Variants in PLK3 observed in about 807,000 individuals in gnomAD.
PLK3 encodes serine/threonine-protein kinase PLK3.
In PLK3, 41 loss-of-function variants were observed where a neutral mutation model predicts 71.6. That is an observed-to-expected ratio of 0.57 (90% confidence interval 0.45 to 0.74). PLK3 has a LOEUF of 0.74. PLK3 is among the 30% of genes least tolerant of loss of function. The probability of loss-of-function intolerance (pLI) is 0.00; values close to 1 mark genes in which losing one functional copy is unlikely to be tolerated. For synonymous variants in PLK3, 366 were observed against 355.4 expected (o/e 1.03, Z -0.33); for missense variants, 791 against 875.6 (o/e 0.90, Z 1.22).
intron 5 of PLK3, 137 bp from the exon 6 acceptor site, chr1:44,802,623 A>G (rs1305086641): frequency 5.9e-6 from 4 of 673,574 alleles, no homozygotes; most frequent in Non-Finnish European, 1.1e-5. Flanking sequence ...CCTGGCATCC[A>G]TTGTCCCAGG....
At position 44,803,497 on chromosome 1, in the gene PLK3, A is replaced by C. The variant is rs967048044; in HGVS notation, c.1073-103A>C. On this transcript the variant is annotated intron_variant, in intron 8 of 14. Transcript: ENST00000372201. This position sits in a 1 kb window ranked among gnomAD's most constrained non-coding sequence, Gnocchi z 4.3. ...GTGCCTGGAAACTCCTGGGGAGAGC[A>C]TGTGCAGTACAGGCACTTGGGGAGG... 7 of 1,587,424 alleles carry C rather than the reference A, an allele frequency of 4.4e-6. No individual in the cohort carries two copies. The highest frequency in any genetic ancestry group is 1.3e-5 in the African/African-American group (1 of 74,376).
rs137889208 is a variant in PLK3 at position 44,803,303 on chromosome 1, C to T, written c.984C>T (p.Cys328=). The T allele has an allele frequency of 1.7e-4, 268 of 1,614,132 alleles. 1 individual carries two copies. Among genetic ancestry groups the T allele is most frequent in the African/African-American group, 6.7e-4 (50 of 75,044 alleles). ...CCGATCGACTCCCTATCAGCAGCTG[C>T]GTGACAGTCCCAGACCTGACACCCC... The part of the protein sequence containing the change: ...YTPDRLPISS[C]VTVPDLTPPN... The change falls in exon 8 of 15, where the codon TGC becomes TGT. Residue 328 remains cysteine (C), a synonymous_variant. Transcript: ENST00000372201. The surrounding 1 kb of genome is among the most constrained non-coding windows in gnomAD (Gnocchi z 4.3).
rs375466611 is a variant in PLK3, at chr1:44,803,699, G to A, written c.1164+8G>A. ...CAGGATGCCAGGCCAGAGGTGAGGC[G>A]CTCAGGTGGACACTGTTCCCCTGAC... is the stretch of plus-strand genomic sequence containing the variant. On this transcript the variant is annotated splice_region_variant and intron_variant, in intron 9 of 14. Coordinates refer to ENST00000372201, the MANE Select transcript of PLK3 (RefSeq NM_004073.4). The surrounding 1 kb of genome is among the most constrained non-coding windows in gnomAD (Gnocchi z 4.3). 32 of 1,597,378 alleles carry A rather than the reference G, an allele frequency of 2.0e-5. 1 individual carries two copies. The highest frequency in any genetic ancestry group is 1.1e-4 in the East Asian group (5 of 44,502).
Position 44,801,140 on chromosome 1 carries a change from C to A in PLK3, c.423C>A (p.Leu141=). The change falls in exon 3 of 15, where the codon CTC becomes CTA. Residue 141 remains leucine, a synonymous_variant. Coordinates refer to ENST00000372201, the MANE Select transcript of PLK3 (RefSeq NM_004073.4). ...ACAACATCTACATTTTCTTGGAGCT[C>A]TGCAGCCGAAAGGTGAAAGATGGTG... ...DADNIYIFLE[L]CSRKSLAHIW... is the part of the protein sequence containing the mutation. The A allele has an allele frequency of 6.2e-7, 1 of 1,608,274 alleles. No individual in the cohort carries two copies. Among genetic ancestry groups the A allele is most frequent in the Non-Finnish European group, 8.5e-7 (1 of 1,176,224 alleles).
chr1:44,805,048 G>A, intron 13 of PLK3: 1 of 584,308 alleles, frequency 1.7e-6, no homozygotes, highest in South Asian at 2.0e-5. Flanking sequence ...AGCTTGCAGT[G>A]AGCAGAGATG....
chr1:44,800,547 G>T lies in PLK3; in HGVS notation c.84G>T (p.Pro28=), dbSNP rs1041292114. 3 of 1,486,204 alleles carry T rather than the reference G, an allele frequency of 2.0e-6. No individual in the cohort carries two copies. The highest frequency in any genetic ancestry group is 2.3e-4 in the Middle Eastern group (1 of 4,356). 92.1% of individuals were successfully genotyped at this position (1,486,204 alleles called of 1,614,324 possible). ...CCGCTCCCCCGGCCGGGCCCGGGCCGCCTCCGAGTGCCTTGCGCGGACCTG... is the reference window on the plus strand; with the variant it reads ...CCGCTCCCCCGGCCGGGCCCGGGCCTCCTCCGAGTGCCTTGCGCGGACCTG... ...AAPAPPAGPG[P]PPSALRGPEL... The change falls in exon 1 of 15, where the codon CCG becomes CCT. Residue 28 remains proline (P), a synonymous_variant. Coordinates refer to ENST00000372201, the MANE Select transcript of PLK3 (RefSeq NM_004073.4). The surrounding 1 kb of genome is among the most constrained non-coding windows in gnomAD (Gnocchi z 6.5).
In PLK3 at chr1:44,803,178, G is replaced by T. The variant is rs759192362; in HGVS notation, c.948+25G>T. 5 of 1,613,250 alleles carry T rather than the reference G, an allele frequency of 3.1e-6. No homozygotes were observed. Among genetic ancestry groups the T allele is most frequent in the Non-Finnish European group, 4.2e-6 (5 of 1,179,418 alleles). ...GGTCTGTGGCTCCCCAGACCTCTAA[G>T]TCCATCTGTGTATTCCCAGGGATTG... On this transcript the variant is annotated intron_variant, in intron 7 of 14. Coordinates refer to ENST00000372201, the MANE Select transcript of PLK3 (RefSeq NM_004073.4). The surrounding 1 kb of genome is among the most constrained non-coding windows in gnomAD (Gnocchi z 4.3).
At position 44,805,585 on chromosome 1, in the gene PLK3, C is replaced by T. The variant is rs756274406; in HGVS notation, c.1848C>T (p.Leu616=). The T allele has an allele frequency of 4.3e-6, 7 of 1,614,062 alleles. No homozygotes were observed. The Admixed American group carries it at 6.7e-5, about 15-fold the overall frequency. ...VARNRSACTY[L]ASHLRQLGCS... ...GAAATCGTAGTGCTTGTACTTACCT[C>T]GCTTCCCACCTTCGGCAGCTGGGCT... Residue 616 remains leucine, a synonymous_variant, in exon 15 of 15, where the codon CTC becomes CTT. Coordinates refer to ENST00000372201, the MANE Select transcript of PLK3 (RefSeq NM_004073.4).
rs1652023352 is a variant in PLK3 at position 44,805,895 on chromosome 1, A to G, written c.*217A>G. 6.9e-6 allele frequency: 10 copies of G among 1,450,254 alleles called. 1 individual carries two copies. In the Middle Eastern group the frequency reaches 1.1e-3, roughly 159 times the overall value. The allele number at this position is 1,450,254 out of a possible 1,614,324, so 89.8% of individuals were successfully genotyped here. ...CCTTAGCTCCCAGCTAGGGGGCGTT[A>G]TTTATGGACCACTTTTATTTATTGT... On this transcript the variant is annotated 3_prime_UTR_variant, in exon 15 of 15. Coordinates refer to ENST00000372201, the MANE Select transcript of PLK3 (RefSeq NM_004073.4).
Position 44,804,156 on chromosome 1 carries a change from C to T in PLK3, c.1259-7C>T, listed in dbSNP as rs1182022918. On this transcript the variant is annotated splice_region_variant and splice_polypyrimidine_tract_variant and intron_variant, in intron 10 of 14. Coordinates refer to ENST00000372201, the MANE Select transcript of PLK3 (RefSeq NM_004073.4). Reference sequence around the variant, plus strand: ...ATTCCTAAATCTCAGTGCCCTGTCTCCTTCAGGATTTGAAGAAGGTCTGAC... The same window carrying T: ...ATTCCTAAATCTCAGTGCCCTGTCTTCTTCAGGATTTGAAGAAGGTCTGAC... 5 of 1,611,596 alleles carry T rather than the reference C, an allele frequency of 3.1e-6. No homozygotes were observed. Among genetic ancestry groups the T allele is most frequent in the East Asian group, 2.2e-5 (1 of 44,872 alleles).
At position 44,804,027 on chromosome 1, in the gene PLK3, G is replaced by A. The variant is rs565178307; in HGVS notation, c.1258+3G>A. Reference sequence around the variant, plus strand: ...GACACTGGCAAGCAGTGGAGATGGTGAGGAGCCAGGGAGGATGAGAGGTGA... The same window carrying A: ...GACACTGGCAAGCAGTGGAGATGGTAAGGAGCCAGGGAGGATGAGAGGTGA... On this transcript the variant is annotated splice_donor_region_variant and intron_variant, in intron 10 of 14. Transcript: ENST00000372201. 1 of 1,552,602 alleles carries A rather than the reference G, an allele frequency of 6.4e-7. No individual in the cohort carries two copies. The highest frequency in any genetic ancestry group is 1.2e-5 in the South Asian group (1 of 85,714).
rs1285232824 is a variant in PLK3, at chr1:44,800,627, A to C, written c.164A>C (p.Asp55Ala). 1 of 1,541,844 alleles carries C rather than the reference A, an allele frequency of 6.5e-7. No individual in the cohort carries two copies. The highest frequency in any genetic ancestry group is 2.0e-5 in the Admixed American group (1 of 51,024). Residue 55 changes from aspartate to alanine, a missense_variant, in exon 1 of 15, where the codon GAC becomes GCC. Coordinates refer to ENST00000372201, the MANE Select transcript of PLK3 (RefSeq NM_004073.4). The surrounding 1 kb of genome is among the most constrained non-coding windows in gnomAD (Gnocchi z 6.5). ...PTSDPGRLIT[D>A]PRSGRTYLKG... ...TCAGACCCCGGGCGCCTCATCACGG[A>C]CCCGCGCAGCGGCCGCACCTACCTC... is the stretch of plus-strand genomic sequence containing the variant.
At chr1:44,802,914 C>A in intron 6 of PLK3, 41 bp from the exon 7 acceptor site, 1 of 1,603,600 alleles carries the variant, frequency 6.2e-7, no homozygotes, top group African/African-American at 1.3e-5. Context: ...GGTGGAGCAT[C>A]TCCTCCACTT....
chr1:44,805,921 C>T lies in PLK3; in HGVS notation c.*243C>T. 6.8e-7 allele frequency: 1 copy of T among 1,479,218 alleles called. No individual in the cohort carries two copies. The highest frequency in any genetic ancestry group is 9.0e-7 in the Non-Finnish European group (1 of 1,113,814). The allele number at this position is 1,479,218 out of a possible 1,614,324, so 91.6% of individuals were successfully genotyped here. ...TTTATGGACCACTTTTATTTATTGT[C>T]AGACACTTATTTATTGGGATGTGAG... On this transcript the variant is annotated 3_prime_UTR_variant, in exon 15 of 15. Transcript: ENST00000372201.
At position 44,800,806 on chromosome 1, in the gene PLK3, CT is replaced by C. The variant is rs1335604826; in HGVS notation, c.211-33del. 13 of 1,590,176 alleles carry C rather than the reference CT, an allele frequency of 8.2e-6. No homozygotes were observed. The highest frequency in any genetic ancestry group is 4.6e-5 in the East Asian group (2 of 43,792). Reference sequence around the variant, plus strand: ...CGCCCGCGGGCCAGACTCGGCCCCCCTGGAACAACCAGCCTGATGCCCCCTC... The same window carrying C: ...CGCCCGCGGGCCAGACTCGGCCCCCCGGAACAACCAGCCTGATGCCCCCTC... On this transcript the variant is annotated intron_variant, in intron 1 of 14. Coordinates refer to ENST00000372201, the MANE Select transcript of PLK3 (RefSeq NM_004073.4). The surrounding 1 kb of genome is among the most constrained non-coding windows in gnomAD (Gnocchi z 6.5).
Position 44,804,672 on chromosome 1 carries a change from A to C in PLK3, c.1528A>C (p.Ser510Arg). The C allele has an allele frequency of 6.2e-7, 1 of 1,614,042 alleles. No individual in the cohort carries two copies. ...TAGGACTGTGCACTACAATCCCACC[A>C]GCACAAAGCACTTCTCCTTCTCCGT... The part of the protein sequence containing the change: ...NRKTVHYNPT[S>R]TKHFSFSVGA... Residue 510 changes from serine to arginine, a missense_variant, in exon 13 of 15, where the codon AGC becomes CGC. Coordinates refer to ENST00000372201, the MANE Select transcript of PLK3 (RefSeq NM_004073.4).
intron 3 of PLK3, 74 bp downstream of exon 3, chr1:44,801,226 T>TG (rs1651820159): frequency 1.1e-6 from 1 of 934,682 alleles, no homozygotes; most frequent in Non-Finnish European, 1.6e-6. Context: ...TTTTTTTTTT[T>TG]TGAGATGGAG....
Position 44,804,351 on chromosome 1 carries a change from C to G in PLK3, c.1355C>G (p.Pro452Arg). The G allele has an allele frequency of 1.2e-6, 2 of 1,613,988 alleles. No individual in the cohort carries two copies. The highest frequency in any genetic ancestry group is 4.5e-5 in the East Asian group (2 of 44,862). The change falls in exon 12 of 15, where the codon CCG (proline) becomes CGG (arginine). Residue 452 changes from proline (P) to arginine (R), a missense_variant. Pro to Arg is a moderately radical substitution (Grantham distance 103). Transcript: ENST00000372201. ...TCTCCCATGACAGCGGAACAGAACC[C>G]GGCCCCCCTGGCCCAGCCAGAGCCT... is the stretch of plus-strand genomic sequence containing the variant. ...IAFMPPAEQN[P>R]APLAQPEPLV...
chr1:44,800,880 C>T lies in PLK3; in HGVS notation c.251C>T (p.Thr84Ile). The T allele has an allele frequency of 6.2e-7, 1 of 1,611,850 alleles. No individual in the cohort carries two copies. The highest frequency in any genetic ancestry group is 1.7e-5 in the Admixed American group (1 of 60,002). The change falls in exon 2 of 15, where the codon ACT becomes ATT. Residue 84 changes from threonine to isoleucine, a missense_variant. Thr to Ile is a moderately conservative substitution (Grantham distance 89, BLOSUM62 -1). Transcript: ENST00000372201. The surrounding 1 kb of genome is among the most constrained non-coding windows in gnomAD (Gnocchi z 6.5). ...ARCYEATDTE[T>I]GSAYAVKVIP... The stretch of plus-strand genomic sequence containing the variant: ...TGCTACGAGGCCACTGACACAGAGA[C>T]TGGCAGCGCCTACGCTGTCAAAGTC...
Sources: gnomAD v4.1 joint callset for allele counts on GRCh38, gnomAD v4.1.1 for gene constraint, Gnocchi (gnomAD v3.1) non-coding constraint, MANE v1.5 for transcripts, NCBI Gene and HGNC (gene_info 2026-07-23, HGNC 2026-07-21) for gene names.